Variants in SRBD1 observed in about 807,000 individuals in gnomAD.
SRBD1 encodes S1 RNA binding domain 1, also known as S1 RNA-binding domain-containing protein 1.
A neutral mutation model predicts 115.3 loss-of-function variants in SRBD1; 88 were observed. The ratio of observed to expected loss-of-function variants is 0.76; its 90% CI spans 0.64 to 0.91. The LOEUF (loss-of-function observed/expected upper bound fraction) is 0.91, where lower values mean the gene tolerates loss of function less well. Among genes scored for constraint, SRBD1 ranks in the 40% least tolerant of loss-of-function variants. The pLI, the probability that SRBD1 is intolerant of heterozygous loss-of-function variation, is 0.00. For synonymous variants in SRBD1, 509 were observed against 407.7 expected (o/e 1.25, Z -2.99); for missense variants, 1,385 against 1,177.4 (o/e 1.18, Z -2.58).
At chr2:45,581,616 G>C in intron 6 of SRBD1, 77 bp downstream of exon 6, 1 of 988,466 alleles carries the variant, frequency 1.0e-6, no homozygotes, top group South Asian at 1.5e-5. Context: ...TTTATTTCTT[G>C]GTGTTCTTTA....
In SRBD1 at chr2:45,605,436, T is replaced by A; in HGVS notation, c.6A>T (p.Ser2=). 1 of 1,613,468 alleles carries A rather than the reference T, an allele frequency of 6.2e-7. No homozygotes were observed. The highest frequency in any genetic ancestry group is 8.5e-7 in the Non-Finnish European group (1 of 1,179,844). Reference sequence around the variant, plus strand: ...GTACTTTCGCTCTTCTTGGCAATGATGACATCTAGAAGAAACAGAAAATAA... The same window carrying A: ...GTACTTTCGCTCTTCTTGGCAATGAAGACATCTAGAAGAAACAGAAAATAA... M[S]SLPRRAKVQV... is the part of the protein sequence containing the mutation. Residue 2 remains serine, a synonymous_variant, in exon 2 of 21, where the codon TCA becomes TCT. Coordinates refer to ENST00000263736, the MANE Select transcript of SRBD1 (RefSeq NM_018079.5).
chr2:45,504,694 TCCTTTATTA>T (rs1392093870), intron 14 of SRBD1, among the ~76,000 whole-genome samples: 1 of 152,160 alleles, frequency 6.6e-6, no homozygotes, highest in Non-Finnish European at 1.5e-5. Flanking sequence ...ACTTTTTCTG[TCCTTTATTA>T]CTAATCAGTC....
At chr2:45,504,238 C>G (rs1244529408) in intron 14 of SRBD1, among the ~76,000 whole-genome samples, 3 of 152,110 alleles carry the variant, frequency 2.0e-5, no homozygotes, top group Non-Finnish European at 4.4e-5. Flanking sequence ...CCCTTTTCCA[C>G]GTGCCACTTA....
At chr2:45,574,412 C>G (rs1013598829) in intron 8 of SRBD1, among the ~76,000 whole-genome samples, 1 of 152,138 alleles carries the variant, frequency 6.6e-6, no homozygotes, top group African/African-American at 2.4e-5. Context: ...GGTGAGTAGG[C>G]AGAGTTCCAG....
chr2:45,402,972 C>A (rs1054307241), intron 19 of SRBD1, among the ~76,000 whole-genome samples: 1 of 152,128 alleles, frequency 6.6e-6, no homozygotes, highest in Admixed American at 6.6e-5. Context: ...GGGTCTCATT[C>A]TACTAATATA....
chr2:45,608,932 TA>T (rs1674357460), intron 1 of SRBD1, among the ~76,000 whole-genome samples: 1 of 151,936 alleles, frequency 6.6e-6, no homozygotes, highest in South Asian at 2.1e-4. Context: ...CTTAGCCTCC[TA>T]AGTAACTGGG....
intron 19 of SRBD1, among the ~76,000 whole-genome samples, chr2:45,410,783 A>C (rs1000248171): frequency 3.9e-5 from 6 of 152,314 alleles, no homozygotes; most frequent in African/African-American, 1.4e-4. Flanking sequence ...AATGAAACCT[A>C]CTAAAAACCC....
At chr2:45,490,151 A>G (rs1670249544) in intron 14 of SRBD1, among the ~76,000 whole-genome samples, 1 of 152,174 alleles carries the variant, frequency 6.6e-6, no homozygotes, top group Non-Finnish European at 1.5e-5. Context: ...AGAAAATGTA[A>G]TGTTAAATAA....
At chr2:45,523,821 T>C (rs1429888191) in intron 14 of SRBD1, among the ~76,000 whole-genome samples, 1 of 151,948 alleles carries the variant, frequency 6.6e-6, no homozygotes, top group South Asian at 2.1e-4. Context: ...TCCTAATTCA[T>C]TCTAAAAAGC....
chr2:45,591,764 G>A (rs1240764023), intron 4 of SRBD1, among the ~76,000 whole-genome samples: 1 of 152,198 alleles, frequency 6.6e-6, no homozygotes, highest in East Asian at 1.9e-4. Flanking sequence ...CTCTAAAAGT[G>A]ATAAATTGGC....
chr2:45,498,188 T>C (rs1670519973), intron 14 of SRBD1, among the ~76,000 whole-genome samples: 2 of 152,092 alleles, frequency 1.3e-5, no homozygotes, highest in Non-Finnish European at 2.9e-5. Context: ...AATGTACTTA[T>C]TGGCCTTTTC....
chr2:45,558,634 A>G (rs1474617828), intron 10 of SRBD1, among the ~76,000 whole-genome samples: 1 of 151,196 alleles, frequency 6.6e-6, no homozygotes, highest in African/African-American at 2.4e-5. Flanking sequence ...TAATATATTT[A>G]TAGTGTGATA....
intron 9 of SRBD1, among the ~76,000 whole-genome samples, chr2:45,568,745 G>C (rs1182987726): frequency 2.0e-5 from 3 of 152,138 alleles, no homozygotes; most frequent in Admixed American, 2.0e-4. Context: ...TTTTTCCAAA[G>C]TTGCAATAAA....
chr2:45,448,917 G>A (rs972277866), intron 16 of SRBD1, among the ~76,000 whole-genome samples: 1 of 152,088 alleles, frequency 6.6e-6, no homozygotes, highest in Non-Finnish European at 1.5e-5. Flanking sequence ...TTTATCACCT[G>A]GGGCAACTCA....
At chr2:45,432,003 G>GTATTTATTTATTTATTTATTTATTTATT (rs3047186) in intron 16 of SRBD1, among the ~76,000 whole-genome samples, 1 of 142,872 alleles carries the variant, frequency 7.0e-6, no homozygotes, top group Non-Finnish European at 1.5e-5. Context: ...AGAGTTAAAA[G>GTATTTATTTATTTATTTATTTATTTATT]TATTTATTTA....
At chr2:45,499,809 G>A (rs1670571202) in intron 14 of SRBD1, among the ~76,000 whole-genome samples, 1 of 152,040 alleles carries the variant, frequency 6.6e-6, no homozygotes, top group Non-Finnish European at 1.5e-5. Context: ...GACTCCACGT[G>A]TACAGATCTA....
chr2:45,551,354 A>T (rs949678549), intron 11 of SRBD1, 72 bp from the exon 12 acceptor site: 2 of 1,375,732 alleles, frequency 1.5e-6, no homozygotes, highest in African/African-American at 3.0e-5. Flanking sequence ...AGCAGAATTC[A>T]TTTTGTACAA....
chr2:45,414,696 ATAGT>A (rs1667729275), intron 18 of SRBD1, among the ~76,000 whole-genome samples: 1 of 135,222 alleles, frequency 7.4e-6, no homozygotes, highest in African/African-American at 2.7e-5. Flanking sequence ...ACACACACAC[ATAGT>A]GTGTATATAG....
chr2:45,541,277 T>C (rs1201020094), intron 14 of SRBD1, among the ~76,000 whole-genome samples: 1 of 152,174 alleles, frequency 6.6e-6, no homozygotes, highest in South Asian at 2.1e-4. Context: ...AGGTGGGAGA[T>C]GCCAGGAACC....
Sources: gnomAD v4.1 joint callset for allele counts (sites outside exome capture counted in the v4.1 genomes callset) on GRCh38, gnomAD v4.1.1 for gene constraint, MANE v1.5 for transcripts, NCBI Gene and HGNC (gene_info 2026-07-23, HGNC 2026-07-21) for gene names.